CNST: variants seen among roughly 807,000 people sequenced by gnomAD.
The protein encoded by CNST is consortin, connexin sorting protein, also known as consortin.
In CNST, 39 loss-of-function variants were observed where a neutral mutation model predicts 72.4. That is an observed-to-expected ratio of 0.54 (90% CI 0.42 to 0.70). The LOEUF (loss-of-function observed/expected upper bound fraction) is 0.70, where lower values mean the gene tolerates loss of function less well. Among genes scored for constraint, CNST ranks in the 30% least tolerant of loss-of-function variants. The probability of loss-of-function intolerance (pLI) is 0.00; values close to 1 mark genes in which losing one functional copy is unlikely to be tolerated. For synonymous variants in CNST, 332 were observed against 320.1 expected (o/e 1.04, Z -0.40); for missense variants, 871 against 868.5 (o/e 1.00, Z -0.04).
At chr1:246,587,448 C>A (rs149807309) in intron 1 of CNST, among the ~76,000 whole-genome samples, 17 of 152,330 alleles carry the variant, frequency 1.1e-4, no homozygotes, top group African/African-American at 4.1e-4. Flanking sequence ...ATAGTTGATA[C>A]AGGCAGTAAA....
intron 1 of CNST, among the ~76,000 whole-genome samples, chr1:246,576,967 G>C (rs1021485736): frequency 6.6e-5 from 10 of 151,968 alleles, no homozygotes; most frequent in African/African-American, 2.4e-4. Flanking sequence ...GAAACATTTG[G>C]AAGTCTCATT....
intron 6 of CNST, among the ~76,000 whole-genome samples, chr1:246,636,841 T>A (rs1665291801): frequency 6.6e-6 from 1 of 152,186 alleles, no homozygotes; most frequent in African/African-American, 2.4e-5. Context: ...AGTGAAGGAC[T>A]GTTGACATGA....
rs552357110 is a variant in CNST, at chr1:246,646,178, G to T, written c.938-961G>T. ...GCCTGTAGTCCCAGCTACTCGGGAG[G>T]CTGAGGCAGGAGAATGGTGTGAACC... On this transcript the variant is annotated intron_variant, in intron 8 of 10. Coordinates refer to ENST00000366513, the MANE Select transcript of CNST (RefSeq NM_152609.3). Among the ~76,000 whole-genome samples, 5 of 150,428 alleles carry T rather than the reference G, an allele frequency of 3.3e-5. No homozygotes were observed. The East Asian group carries it at 1.0e-3, about 30-fold the overall frequency.
intron 1 of CNST, among the ~76,000 whole-genome samples, chr1:246,576,104 G>A (rs538881322): frequency 7.4e-5 from 11 of 148,564 alleles, no homozygotes; most frequent in African/African-American, 2.5e-4. Flanking sequence ...GCATGGTGGC[G>A]GGCGCCTGTA....
intron 6 of CNST, among the ~76,000 whole-genome samples, chr1:246,639,147 C>T (rs1233976204): frequency 6.6e-6 from 1 of 151,946 alleles, no homozygotes; most frequent in Non-Finnish European, 1.5e-5. Flanking sequence ...GGGCGGGTCC[C>T]TTAGACTGGT....
Position 246,652,848 on chromosome 1 carries a change from C to CA in CNST, c.1836+4817dup, listed in dbSNP as rs1307669615. Among the ~76,000 whole-genome samples the CA allele has an allele frequency of 3.3e-5, 5 of 149,982 alleles. No individual in the cohort carries two copies. The East Asian group carries it at 5.8e-4, about 17-fold the overall frequency. On this transcript the variant is annotated intron_variant, in intron 9 of 10. Transcript: ENST00000366513. Reference sequence around the variant, plus strand: ...TGAAACCCCGTCTCTACTAAAAATACAAAAAACTAGCCGGGCGTGGTGGCG... The same window carrying CA: ...TGAAACCCCGTCTCTACTAAAAATACAAAAAAACTAGCCGGGCGTGGTGGCG...
rs1008967334 is a variant in CNST, at chr1:246,575,228, C to T, written c.-52+8565C>T. Among the ~76,000 whole-genome samples, 9 of 152,004 alleles carry T rather than the reference C, an allele frequency of 5.9e-5. No individual in the cohort carries two copies. In the South Asian group the frequency reaches 1.0e-3, roughly 17 times the overall value. On this transcript the variant is annotated intron_variant, in intron 1 of 10. Coordinates refer to ENST00000366513, the MANE Select transcript of CNST (RefSeq NM_152609.3). ...AGGCTGGTCTTGAACTCCTGACCTC[C>T]TGACCTTTTGTCAAGTGTTCAGACA...
chr1:246,637,551 G>T (rs1665372758), intron 6 of CNST, among the ~76,000 whole-genome samples: 1 of 152,216 alleles, frequency 6.6e-6, no homozygotes, highest in Admixed American at 6.5e-5. Flanking sequence ...TTTTGGTGTT[G>T]CACGGAGTCT....
At chr1:246,653,338 G>A (rs1666592994) in intron 9 of CNST, among the ~76,000 whole-genome samples, 2 of 152,220 alleles carry the variant, frequency 1.3e-5, no homozygotes, top group African/African-American at 4.8e-5. Flanking sequence ...CTCTTGCCAA[G>A]TGAAGATGGG....
At chr1:246,593,859 C>T (rs1661704422) in intron 2 of CNST, among the ~76,000 whole-genome samples, 1 of 152,176 alleles carries the variant, frequency 6.6e-6, no homozygotes, top group Non-Finnish European at 1.5e-5. Flanking sequence ...ATCTCCCAGG[C>T]ACAAGCGATT....
At chr1:246,626,078 T>TC (rs536260893) in intron 3 of CNST, among the ~76,000 whole-genome samples, 2,735 of 150,738 alleles carry the variant, frequency 0.018, 91 homozygotes, top group African/African-American at 0.064. Flanking sequence ...TTTTTTTTTT[T>TC]CCCACTCTGT....
At chr1:246,664,281 T>C (rs1416480912) in intron 10 of CNST, among the ~76,000 whole-genome samples, 1 of 152,200 alleles carries the variant, frequency 6.6e-6, no homozygotes, top group Admixed American at 6.5e-5. Context: ...CAAGCTTGTA[T>C]ATATGATATT....
intron 2 of CNST, among the ~76,000 whole-genome samples, chr1:246,620,902 C>T (rs1028428435): frequency 6.6e-6 from 1 of 152,162 alleles, no homozygotes; most frequent in African/African-American, 2.4e-5. Flanking sequence ...CTGGGCACTA[C>T]AGGGAGGATG....
chr1:246,567,985 T>C (rs1479721750), intron 1 of CNST, among the ~76,000 whole-genome samples: 1 of 152,116 alleles, frequency 6.6e-6, no homozygotes, highest in Non-Finnish European at 1.5e-5. Flanking sequence ...AATGTGTCGT[T>C]GAATTTCTGA....
chr1:246,661,319 T>C (rs151113597), intron 10 of CNST, among the ~76,000 whole-genome samples: 2,124 of 152,202 alleles, frequency 0.014, 62 homozygotes, highest in African/African-American at 0.047. Context: ...GGTTTTGCCA[T>C]GTTGGCCAGG....
At chr1:246,582,009 A>G (rs1660815245) in intron 1 of CNST, among the ~76,000 whole-genome samples, 1 of 152,202 alleles carries the variant, frequency 6.6e-6, no homozygotes, top group South Asian at 2.1e-4. Context: ...GTGTCTTTTC[A>G]TTACAGCTTA....
chr1:246,597,343 C>T (rs760750356), intron 2 of CNST, among the ~76,000 whole-genome samples: 1 of 152,102 alleles, frequency 6.6e-6, no homozygotes, highest in Non-Finnish European at 1.5e-5. Flanking sequence ...ACATTTTATC[C>T]TCCAGGAAGA....
intron 8 of CNST, among the ~76,000 whole-genome samples, chr1:246,645,271 T>C (rs1422342152): frequency 6.9e-6 from 1 of 145,638 alleles, no homozygotes. Flanking sequence ...AGTATCAATA[T>C]GTTTTTGGAG....
intron 10 of CNST, among the ~76,000 whole-genome samples, chr1:246,663,261 A>G (rs941022150): frequency 2.7e-5 from 4 of 150,594 alleles, no homozygotes; most frequent in African/African-American, 9.8e-5. Flanking sequence ...GGAGGCTGAG[A>G]TGGGAGGATC....
Sources: gnomAD v4.1 joint callset for allele counts (sites outside exome capture counted in the v4.1 genomes callset) on GRCh38, gnomAD v4.1.1 for gene constraint, MANE v1.5 for transcripts, NCBI Gene and HGNC (gene_info 2026-07-23, HGNC 2026-07-21) for gene names.